The following EMCN variants were observed in gnomAD, a reference collection of about 807,000 sequenced individuals.
EMCN encodes endomucin, also known as MUC-14.
EMCN carries 37 observed loss-of-function variants against 38.4 expected under a neutral mutation model. That is an observed-to-expected ratio of 0.96 (90% CI 0.74 to 1.27). The LOEUF (loss-of-function observed/expected upper bound fraction) is 1.27. Ranked by LOEUF, EMCN falls within the 50% of genes most tolerant of loss-of-function variation. The pLI is 0.00. For synonymous variants in EMCN, 95 were observed against 100.8 expected (o/e 0.94, Z 0.35); for missense variants, 318 against 302.8 (o/e 1.05, Z -0.37).
intron 5 of EMCN, among the ~76,000 whole-genome samples, chr4:100,433,562 G>T (rs1003651946): frequency 7.3e-5 from 11 of 150,294 alleles, no homozygotes; most frequent in Non-Finnish European, 1.6e-4. Flanking sequence ...TTATTTGACA[G>T]TCTCACTCTG....
At chr4:100,412,388 G>T (rs561371029) in intron 10 of EMCN, among the ~76,000 whole-genome samples, 39 of 152,114 alleles carry the variant, frequency 2.6e-4, no homozygotes, top group Non-Finnish European at 7.4e-5. Flanking sequence ...TACTCTAAAT[G>T]GTTCAAAATC....
At chr4:100,470,776 C>A (rs1045620840) in intron 3 of EMCN, among the ~76,000 whole-genome samples, 2 of 151,890 alleles carry the variant, frequency 1.3e-5, no homozygotes, top group African/African-American at 4.8e-5. Flanking sequence ...AACAAATTAA[C>A]ACAGGAAAAG....
intron 5 of EMCN, among the ~76,000 whole-genome samples, chr4:100,441,786 C>T (rs1727525532): frequency 6.6e-6 from 1 of 152,170 alleles, no homozygotes; most frequent in African/African-American, 2.4e-5. Context: ...TTACCTTTCC[C>T]CTCACAATTT....
At chr4:100,443,443 C>T (rs1167890543) in intron 5 of EMCN, among the ~76,000 whole-genome samples, 1 of 152,196 alleles carries the variant, frequency 6.6e-6, no homozygotes, top group Admixed American at 6.5e-5. Context: ...TGATCAATGT[C>T]AGCAATGAAT....
intron 4 of EMCN, among the ~76,000 whole-genome samples, chr4:100,450,203 A>T (rs1727798305): frequency 6.6e-6 from 1 of 152,154 alleles, no homozygotes; most frequent in South Asian, 2.1e-4. Flanking sequence ...ACCATTCTCA[A>T]ACTTAGATGT....
intron 4 of EMCN, among the ~76,000 whole-genome samples, chr4:100,458,033 T>C (rs530173118): frequency 6.6e-6 from 1 of 152,162 alleles, no homozygotes; most frequent in South Asian, 2.1e-4. Flanking sequence ...AGAGAACTGC[T>C]TGGACCTGGG....
chr4:100,471,424 A>G (rs191353863), intron 3 of EMCN, among the ~76,000 whole-genome samples: 196 of 152,084 alleles, frequency 1.3e-3, no homozygotes, highest in African/African-American at 4.5e-3. Context: ...TAGATTTATA[A>G]TAAGTAAAGA....
intron 11 of EMCN, among the ~76,000 whole-genome samples, chr4:100,405,010 C>A (rs542806593): frequency 7.2e-5 from 11 of 152,004 alleles, no homozygotes; most frequent in Admixed American, 2.0e-4. Flanking sequence ...ATTTGTCTCT[C>A]AGCTTGGATG....
At chr4:100,499,096 T>C (rs1174936375) in intron 1 of EMCN, among the ~76,000 whole-genome samples, 1 of 152,168 alleles carries the variant, frequency 6.6e-6, no homozygotes, top group Non-Finnish European at 1.5e-5. Context: ...AATCTATTTA[T>C]CTTGTAAGAT....
At chr4:100,437,402 T>C (rs917876323) in intron 5 of EMCN, among the ~76,000 whole-genome samples, 5 of 152,170 alleles carry the variant, frequency 3.3e-5, no homozygotes, top group Non-Finnish European at 7.3e-5. Flanking sequence ...AGCTTTTTAG[T>C]TTGATGTAGT....
At chr4:100,473,384 T>TTTTTTTTTTTTTTTTTTTTTA (rs1553930791) in intron 3 of EMCN, among the ~76,000 whole-genome samples, 1 of 118,940 alleles carries the variant, frequency 8.4e-6, no homozygotes, top group African/African-American at 3.1e-5. Context: ...TTTTTTTTTT[T>TTTTTTTTTTTTTTTTTTTTTA]TGTTTTTTTT....
intron 5 of EMCN, among the ~76,000 whole-genome samples, chr4:100,438,127 C>T (rs1325486450): frequency 6.6e-6 from 1 of 151,850 alleles, no homozygotes; most frequent in East Asian, 1.9e-4. Context: ...AAATTTATTC[C>T]TAAGGACAGA....
chr4:100,494,831 G>T (rs1222193652), intron 1 of EMCN, among the ~76,000 whole-genome samples: 1 of 151,388 alleles, frequency 6.6e-6, no homozygotes, highest in African/African-American at 2.4e-5. Flanking sequence ...AGAGAAAAAA[G>T]GTCAAGAAAA....
intron 5 of EMCN, among the ~76,000 whole-genome samples, chr4:100,431,802 T>C (rs1187741705): frequency 6.6e-6 from 1 of 151,926 alleles, no homozygotes; most frequent in African/African-American, 2.4e-5. Context: ...TCTATTTCTC[T>C]CTCTCTCTCT....
intron 5 of EMCN, among the ~76,000 whole-genome samples, chr4:100,427,941 A>G (rs1464969725): frequency 1.3e-5 from 2 of 152,036 alleles, no homozygotes; most frequent in Non-Finnish European, 2.9e-5. Context: ...TCCACACGCA[A>G]TCATCAGGAA....
chr4:100,506,440 G>A (rs1030361629), intron 1 of EMCN, among the ~76,000 whole-genome samples: 1 of 152,002 alleles, frequency 6.6e-6, no homozygotes, highest in Admixed American at 6.6e-5. Flanking sequence ...CATGCAGAGA[G>A]GTAAAAGAGG....
At chr4:100,442,256 T>G (rs570730896) in intron 5 of EMCN, among the ~76,000 whole-genome samples, 2 of 152,348 alleles carry the variant, frequency 1.3e-5, no homozygotes, top group African/African-American at 4.8e-5. Context: ...AGAAATCCAC[T>G]GATAACCTAA....
At chr4:100,450,722 T>C (rs1289862251) in intron 4 of EMCN, among the ~76,000 whole-genome samples, 1 of 151,942 alleles carries the variant, frequency 6.6e-6, no homozygotes, top group African/African-American at 2.4e-5. Flanking sequence ...CTTGAAATGA[T>C]ATAAATTAAT....
At chr4:100,494,272 T>C (rs3775362) in intron 1 of EMCN, among the ~76,000 whole-genome samples, 64,325 of 151,984 alleles carry the variant, frequency 0.42, 14,603 homozygotes, top group East Asian at 0.71. Flanking sequence ...TTAATTAAAG[T>C]GAACACATTT....
Sources: allele counts gnomAD v4.1 joint callset (sites outside exome capture counted in the v4.1 genomes callset), GRCh38; gene constraint gnomAD v4.1.1; transcripts MANE v1.5; gene names NCBI Gene and HGNC (gene_info 2026-07-23, HGNC 2026-07-21).